Variants in MYH3 observed in about 807,000 individuals in gnomAD.
MYH3 encodes myosin heavy chain 3.
MYH3 carries 130 observed loss-of-function variants against 238.0 expected under a neutral mutation model. The ratio of observed to expected loss-of-function variants is 0.55; its 90% CI spans 0.47 to 0.63. MYH3 has a LOEUF of 0.63. Ranked by LOEUF, MYH3 falls within the 30% of genes least tolerant of loss-of-function variation. The pLI is 0.00. For synonymous variants in MYH3, 880 were observed against 924.1 expected (o/e 0.95, Z 0.86); for missense variants, 1,853 against 2,374.9 (o/e 0.78, Z 4.57).
upstream of MYH3, among the ~76,000 whole-genome samples, chr17:10,661,708 C>T (rs1353607112): frequency 6.6e-6 from 1 of 152,196 alleles, no homozygotes; most frequent in Non-Finnish European, 1.5e-5. Context: ...AGAACGGATG[C>T]TGGGGCTCCC....
chr17:10,629,864 T>C lies in MYH3; in HGVS notation c.5636A>G (p.Tyr1879Cys), dbSNP rs774239787. ...VDKLQVKVKSYKRQAEEADEQ... is the reference protein window; with the variant it reads ...VDKLQVKVKSCKRQAEEADEQ... ...TACAGCCTCCTCCGCCTGCCTCTTG[T>C]AGGACTTGACTTTCACTTGCAGTTT... The change falls in exon 39 of 41, where the codon TAC (tyrosine) becomes TGC (cysteine). Residue 1879 changes from tyrosine (Y) to cysteine (C), a missense_variant. Tyr to Cys is a radical substitution (Grantham distance 194). This residue lies in a region of MYH3 where 1,044 missense variants were observed against 1,192.6 expected (regional missense o/e 0.88). Coordinates refer to ENST00000583535, the MANE Select transcript of MYH3 (RefSeq NM_002470.4). 9.3e-6 allele frequency: 15 copies of C among 1,614,006 alleles called. No homozygotes were observed. Among genetic ancestry groups the C allele is most frequent in the Non-Finnish European group, 1.2e-5 (14 of 1,180,022 alleles).
In MYH3 at chr17:10,632,126, GTTTT is replaced by G. The variant is rs1252273673; in HGVS notation, c.4957-114_4957-111del. On this transcript the variant is annotated intron_variant, in intron 34 of 40. Coordinates refer to ENST00000583535, the MANE Select transcript of MYH3 (RefSeq NM_002470.4). ...TGTTTGTTTGTTTTTGTTTTGTTTT[GTTTT>G]GTTTGTTTTGAGACAGGGTCTTGTT... 3.9e-5 allele frequency: 53 copies of G among 1,355,230 alleles called. No individual in the cohort carries two copies. The Admixed American group carries it at 1.0e-3, about 26-fold the overall frequency. The allele number at this position is 1,355,230 out of a possible 1,614,324, so 84.0% of individuals were successfully genotyped here.
At chr17:10,633,505 T>C in intron 33 of MYH3, 86 bp downstream of exon 33, 2 of 1,579,236 alleles carry the variant, frequency 1.3e-6, no homozygotes, top group Non-Finnish European at 1.7e-6. Context: ...AAGGCAAAAA[T>C]GGAGACACAG....
intron 32 of MYH3, 103 bp downstream of exon 32, chr17:10,633,914 C>T: frequency 6.6e-7 from 1 of 1,510,164 alleles, no homozygotes; most frequent in Non-Finnish European, 9.1e-7. Context: ...CATTAACACA[C>T]ATGTGTGCAG....
At chr17:10,658,096 G>GGCT (rs1555528355), upstream of MYH3, among the ~76,000 whole-genome samples, 1 of 152,162 alleles carries the variant, frequency 6.6e-6, no homozygotes, top group Non-Finnish European at 1.5e-5. Context: ...ACCAGCTGCT[G>GGCT]GCTGGGATGG....
chr17:10,645,235 G>A (rs908945152), intron 12 of MYH3, among the ~76,000 whole-genome samples: 2 of 152,068 alleles, frequency 1.3e-5, no homozygotes, highest in Admixed American at 6.5e-5. Context: ...AGGAGTTTGA[G>A]CCTGGCCAAC....
the MYH3 span, chr17:10,674,088 G>C: frequency 6.6e-6 from 1 of 152,262 alleles, no homozygotes; most frequent in African/African-American, 2.4e-5. Flanking sequence ...GAGAATCCAT[G>C]TGCCTAAGAC....
upstream of MYH3, among the ~76,000 whole-genome samples, chr17:10,662,264 C>G (rs562300108): frequency 6.6e-6 from 1 of 152,230 alleles, no homozygotes; most frequent in East Asian, 1.9e-4. Context: ...TCAAATGATC[C>G]ACCCGCCTTG....
At chr17:10,646,283 G>A (rs1296061969) in intron 10 of MYH3, among the ~76,000 whole-genome samples, 1 of 152,158 alleles carries the variant, frequency 6.6e-6, no homozygotes, top group African/African-American at 2.4e-5. Flanking sequence ...CCCTTGCCTT[G>A]CACGCTAATG....
At chr17:10,667,269 A>T in the MYH3 span, among the ~76,000 whole-genome samples, 2 of 152,212 alleles carry the variant, frequency 1.3e-5, no homozygotes, top group African/African-American at 4.8e-5. Flanking sequence ...GAGCATAACG[A>T]TATTTATTGT....
intron 35 of MYH3, 34 bp downstream of exon 35, chr17:10,631,779 G>C: frequency 6.2e-7 from 1 of 1,614,094 alleles, no homozygotes. Context: ...GTATGAGGCT[G>C]GAACCTCGCC....
intron 2 of MYH3, 26 bp from the exon 3 acceptor site, chr17:10,655,098 C>A: frequency 6.3e-7 from 1 of 1,594,040 alleles, no homozygotes; most frequent in South Asian, 1.1e-5. Context: ...ACCCGGTGAG[C>A]TCAGCAGCCC....
At chr17:10,636,428 C>T (rs80199160) in intron 28 of MYH3, among the ~76,000 whole-genome samples, 331 of 152,152 alleles carry the variant, frequency 2.2e-3, no homozygotes, top group African/African-American at 7.7e-3. Context: ...CAGACCTCCC[C>T]AGTGGCAGGT....
At chr17:10,650,254 G>A in intron 6 of MYH3, 120 bp downstream of exon 6, 1 of 954,202 alleles carries the variant, frequency 1.0e-6, no homozygotes, top group African/African-American at 1.6e-5. Flanking sequence ...GGGATTACAG[G>A]TGTCAGCCAC....
At chr17:10,641,036 G>A (rs769170925) in intron 19 of MYH3, 49 bp downstream of exon 19, 1 of 1,363,846 alleles carries the variant, frequency 7.3e-7, no homozygotes, top group Non-Finnish European at 1.1e-6. Flanking sequence ...TCAAATTCCA[G>A]TGTTCGTACA....
chr17:10,632,443 AG>A, intron 34 of MYH3, 32 bp downstream of exon 34: 1 of 1,604,270 alleles, frequency 6.2e-7, no homozygotes, highest in Non-Finnish European at 8.5e-7. Flanking sequence ...TGTGAGGAGG[AG>A]AGAGGTTTTT....
At chr17:10,635,047 A>T (rs2074200173) in intron 30 of MYH3, 24 bp from the exon 31 acceptor site, 1 of 1,609,868 alleles carries the variant, frequency 6.2e-7, no homozygotes, top group Non-Finnish European at 8.5e-7. Context: ...AAAGAGAAGC[A>T]GCTGTTATTT....
chr17:10,672,292 T>C, the MYH3 span, among the ~76,000 whole-genome samples: 4 of 152,356 alleles, frequency 2.6e-5, no homozygotes, highest in African/African-American at 7.2e-5. Flanking sequence ...TCCATACTTT[T>C]ATTTCCAACT....
chr17:10,663,102 A>G, the MYH3 span, among the ~76,000 whole-genome samples: 3 of 149,380 alleles, frequency 2.0e-5, no homozygotes, highest in Non-Finnish European at 3.0e-5. Context: ...AAAATAAAGT[A>G]AAAAAAAGTA....
Sources: gnomAD v4.1 joint callset for allele counts (sites outside exome capture counted in the v4.1 genomes callset) on GRCh38, gnomAD v4.1.1 for gene constraint, gnomAD v4.1.1 regional missense constraint, MANE v1.5 for transcripts, NCBI Gene and HGNC (gene_info 2026-07-23, HGNC 2026-07-21) for gene names.